The following GRID2IP variants were observed in gnomAD, a reference collection of about 807,000 sequenced individuals.
GRID2IP encodes the protein Grid2 interacting protein, also known as delphilin.
A neutral mutation model predicts 114.3 loss-of-function variants in GRID2IP; 78 were observed. The ratio of observed to expected loss-of-function variants is 0.68; its 90% CI spans 0.57 to 0.82. The LOEUF (loss-of-function observed/expected upper bound fraction) is 0.82, where lower values mean the gene tolerates loss of function less well. Ranked by LOEUF, GRID2IP falls within the 40% of genes least tolerant of loss-of-function variation. The pLI, the probability that GRID2IP is intolerant of heterozygous loss-of-function variation, is 0.00. For missense variants in GRID2IP, 1,727 were observed against 1,678.5 expected, an observed-to-expected ratio of 1.03 and a Z score of -0.51; for synonymous variants, 809 against 724.0, an observed-to-expected ratio of 1.12 and a Z score of -1.89.
intron 2 of GRID2IP, among the ~76,000 whole-genome samples, chr7:6,531,515 G>C (rs1405630899): frequency 6.6e-6 from 1 of 152,240 alleles, no homozygotes; most frequent in African/African-American, 2.4e-5. Context: ...AATATTTTCC[G>C]GAGGGGATGC....
intron 14 of GRID2IP, 90 bp downstream of exon 14, chr7:6,505,730 T>C (rs1042531494): frequency 4.1e-5 from 32 of 786,850 alleles, no homozygotes; most frequent in Non-Finnish European, 6.3e-5. Context: ...GGTTAAATAG[T>C]AGTCAGTGCA....
At position 6,516,591 on chromosome 7, in the gene GRID2IP, T is replaced by C. The variant is rs1051256119; in HGVS notation, c.1269-2062A>G. ...ACCGGGAAAGGGAGTCTCCCTTTCC[T>C]GGTGGAGTTAAAGAAGACTCTGCTC... On this transcript the variant is annotated intron_variant, in intron 7 of 21. Transcript: ENST00000457091. The surrounding 1 kb of genome is among the most constrained non-coding windows in gnomAD (Gnocchi z 4.3). Among the ~76,000 whole-genome samples, 1 of 152,010 alleles carries C rather than the reference T, an allele frequency of 6.6e-6. No individual in the cohort carries two copies. Among genetic ancestry groups the C allele is most frequent in the African/African-American group, 2.4e-5 (1 of 41,380 alleles).
In GRID2IP at chr7:6,521,897, A is replaced by G. The variant is rs775654074; in HGVS notation, c.980T>C (p.Leu327Pro). The G allele has an allele frequency of 1.4e-5, 21 of 1,550,900 alleles. No homozygotes were observed. Among genetic ancestry groups the G allele is most frequent in the Non-Finnish European group, 1.8e-5 (21 of 1,146,410 alleles). Residue 327 changes from leucine to proline, a missense_variant, in exon 5 of 22, where the codon CTG (leucine) becomes CCG (proline). Leu to Pro is a moderately conservative substitution (Grantham distance 98). Coordinates refer to ENST00000457091, the MANE Select transcript of GRID2IP (RefSeq NM_001145118.2). The surrounding 1 kb of genome is among the most constrained non-coding windows in gnomAD (Gnocchi z 4.1). ...SGDRILFLNG[L>P]DMRNCSHDKV... ...CCCAATAGCCTCTGACCTCATGTCC[A>G]GTCCATTGAGGAAGAGGATCCGGTC...
In GRID2IP at chr7:6,534,366, T is replaced by A. The variant is rs1158901034; in HGVS notation, c.584+5352A>T. 6.6e-6 allele frequency among the ~76,000 whole-genome samples: 1 copy of A among 152,188 alleles called. No homozygotes were observed. Among genetic ancestry groups the A allele is most frequent in the African/African-American group, 2.4e-5 (1 of 41,448 alleles). Reference sequence around the variant, plus strand: ...CTGTTCCCTCCTGGCCACGTCACACTTTCCAAACTGCCTGGCCTGTCCTAA... The same window carrying A: ...CTGTTCCCTCCTGGCCACGTCACACATTCCAAACTGCCTGGCCTGTCCTAA... On this transcript the variant is annotated intron_variant, in intron 2 of 21. Coordinates refer to ENST00000457091, the MANE Select transcript of GRID2IP (RefSeq NM_001145118.2). This position sits in a 1 kb window ranked among gnomAD's most constrained non-coding sequence, Gnocchi z 4.5.
At chr7:6,510,884 C>T in intron 9 of GRID2IP, 24 bp downstream of exon 9, 3 of 1,548,900 alleles carry the variant, frequency 1.9e-6, no homozygotes, top group East Asian at 2.5e-5. Flanking sequence ...TCCATTCATA[C>T]CCTCCCCCTG....
At chr7:6,539,205 T>TGCA (rs1480067735) in intron 2 of GRID2IP, among the ~76,000 whole-genome samples, 3 of 151,770 alleles carry the variant, frequency 2.0e-5, no homozygotes, top group Non-Finnish European at 4.4e-5. Context: ...CATAGCTCAC[T>TGCA]GCAGCCCCAC....
rs571658714 is a variant in GRID2IP, at chr7:6,551,023, T to C, written c.414A>G (p.Gln138=). The change falls in exon 1 of 22, where the codon CAA becomes CAG. Residue 138 remains glutamine, a synonymous_variant. Transcript: ENST00000457091. ...CGCGCCTTACCTTGCGGCTGAACTC[T>C]TGGGCCTTGCGCCTGCGCTCTCGGT... ...AVHRERRRKA[Q]EFSRKVDEIL... 1.2e-4 allele frequency: 140 copies of C among 1,199,192 alleles called. 1 individual carries two copies. In the Admixed American group the frequency reaches 4.4e-3, roughly 38 times the overall value. The allele number at this position is 1,199,192 out of a possible 1,614,324, so 74.3% of individuals were successfully genotyped here. A position where few individuals can be genotyped will look rare whatever the true frequency, so the allele number is the denominator to read the frequency against.
Position 6,551,353 on chromosome 7 carries a change from G to C in GRID2IP, c.84C>G (p.Phe28Leu). ...TGCTCCCCTTGGCCACCTCCAGGAC[G>C]AAGCAGGGGCCAGAGCCACCTAGCC... ...GFRLGGSGPC[F>L]VLEVAKGSSA... The change falls in exon 1 of 22, where the codon TTC becomes TTG. Residue 28 changes from phenylalanine to leucine, a missense_variant. Transcript: ENST00000457091. The C allele has an allele frequency of 2.6e-6, 4 of 1,548,860 alleles. No homozygotes were observed. The highest frequency in any genetic ancestry group is 3.5e-6 in the Non-Finnish European group (4 of 1,146,606).
chr7:6,498,612 T>G (rs568397184), intron 20 of GRID2IP, among the ~76,000 whole-genome samples: 7 of 146,466 alleles, frequency 4.8e-5, no homozygotes, highest in African/African-American at 1.5e-4. Context: ...CAGGGTCTTA[T>G]TCTGTCGCTC....
At chr7:6,498,572 CTTTTTTT>C (rs34146767) in intron 20 of GRID2IP, among the ~76,000 whole-genome samples, 264 of 68,152 alleles carry the variant, frequency 3.9e-3, no homozygotes, top group Non-Finnish European at 5.3e-3. Flanking sequence ...CTAGGCCTTA[CTTTTTTT>C]TTTTTTTTTT....
chr7:6,502,243 A>G (rs964433108), intron 18 of GRID2IP, 125 bp from the exon 19 acceptor site: 1 of 859,534 alleles, frequency 1.2e-6, no homozygotes, highest in East Asian at 2.7e-5. Flanking sequence ...TTTTTTTTTA[A>G]TAGCAGGGTC....
At chr7:6,537,269 C>T (rs1779741719) in intron 2 of GRID2IP, among the ~76,000 whole-genome samples, 1 of 151,044 alleles carries the variant, frequency 6.6e-6, no homozygotes, top group African/African-American at 2.4e-5. Flanking sequence ...GCAGGCCGGG[C>T]ACGGTGGCTC....
In GRID2IP at chr7:6,534,463, G is replaced by A. The variant is rs577081329; in HGVS notation, c.584+5255C>T. ...AGAGACCCAAATTAGCCTCCCAGTC[G>A]CAGGATTAACTGTTGTGGTGAAGGA... On this transcript the variant is annotated intron_variant, in intron 2 of 21. Transcript: ENST00000457091. This position sits in a 1 kb window ranked among gnomAD's most constrained non-coding sequence, Gnocchi z 4.5. 3.9e-5 allele frequency among the ~76,000 whole-genome samples: 6 copies of A among 152,254 alleles called. No individual in the cohort carries two copies. Among genetic ancestry groups the A allele is most frequent in the South Asian group, 4.1e-4 (2 of 4,828 alleles).
At chr7:6,524,865 T>C (rs967350467) in intron 4 of GRID2IP, among the ~76,000 whole-genome samples, 13 of 151,722 alleles carry the variant, frequency 8.6e-5, no homozygotes, top group African/African-American at 2.4e-4. Context: ...TACAGGCACC[T>C]GCCACCACAC....
intron 1 of GRID2IP, among the ~76,000 whole-genome samples, chr7:6,542,648 A>G (rs529270137): frequency 1.3e-5 from 2 of 152,268 alleles, no homozygotes; most frequent in African/African-American, 4.8e-5. Context: ...CAACAGATCA[A>G]GACCCCATTT....
In GRID2IP at chr7:6,536,595, TGCCAGCA is replaced by T. The variant is rs1353150505; in HGVS notation, c.584+3116_584+3122del. ...GAGAGGGCCTCCAGCCGAGCCCGGCTGCCAGCAGCCGGGAGACGAGCGAGCCAACTTC... is the reference window on the plus strand; with the variant it reads ...GAGAGGGCCTCCAGCCGAGCCCGGCTGCCGGGAGACGAGCGAGCCAACTTC... On this transcript the variant is annotated intron_variant, in intron 2 of 21. Coordinates refer to ENST00000457091, the MANE Select transcript of GRID2IP (RefSeq NM_001145118.2). This position sits in a 1 kb window ranked among gnomAD's most constrained non-coding sequence, Gnocchi z 5.3. Among the ~76,000 whole-genome samples, 1 of 151,404 alleles carries T rather than the reference TGCCAGCA, an allele frequency of 6.6e-6. No homozygotes were observed. The highest frequency in any genetic ancestry group is 1.5e-5 in the Non-Finnish European group (1 of 67,840).
intron 15 of GRID2IP, among the ~76,000 whole-genome samples, chr7:6,503,966 C>T (rs1415334590): frequency 1.3e-4 from 6 of 45,134 alleles, no homozygotes; most frequent in African/African-American, 5.2e-4. Context: ...GAGCAGGGGC[C>T]GGGAGAGGGT....
intron 9 of GRID2IP, 101 bp from the exon 10 acceptor site, chr7:6,510,807 C>G (rs1779132169): frequency 6.8e-7 from 1 of 1,473,166 alleles, no homozygotes; most frequent in African/African-American, 1.4e-5. Context: ...ATCCTGAGCC[C>G]TGCTTAGCCC....
Position 6,514,499 on chromosome 7 carries a change from G to A in GRID2IP, c.1299C>T (p.Tyr433=), listed in dbSNP as rs1779252752. The part of the protein sequence containing the change: ...RNIDTLIVDV[Y]PVLDTPAKQV... ...GCTTGGCAGGGGTGTCCAGCACAGGGTAGACGTCAACGATGAGGGTGTCGA... is the reference window on the plus strand; with the variant it reads ...GCTTGGCAGGGGTGTCCAGCACAGGATAGACGTCAACGATGAGGGTGTCGA... The change falls in exon 8 of 22, where the codon TAC becomes TAT. Residue 433 remains tyrosine (Y), a synonymous_variant. Transcript: ENST00000457091. 3 of 1,540,830 alleles carry A rather than the reference G, an allele frequency of 1.9e-6. No individual in the cohort carries two copies. The highest frequency in any genetic ancestry group is 2.0e-5 in the Admixed American group (1 of 49,976).
Sources: allele counts gnomAD v4.1 joint callset (sites outside exome capture counted in the v4.1 genomes callset), GRCh38; gene constraint gnomAD v4.1.1; non-coding constraint Gnocchi (gnomAD v3.1); transcripts MANE v1.5; gene names NCBI Gene and HGNC (gene_info 2026-07-23, HGNC 2026-07-21).